The following EPHA3 variants were observed in gnomAD, a reference collection of about 807,000 sequenced individuals.
EPHA3 encodes the protein ephrin type-A receptor 3.
Under a neutral mutation model 107.1 loss-of-function variants are expected in EPHA3, and 42 were observed. The observed-to-expected ratio is 0.39, with a 90% CI of 0.31 to 0.51. The LOEUF (loss-of-function observed/expected upper bound fraction) is 0.51, where lower values mean the gene tolerates loss of function less well. Among genes scored for constraint, EPHA3 ranks in the 20% least tolerant of loss-of-function variants. The pLI, the probability that EPHA3 is intolerant of heterozygous loss-of-function variation, is 0.78. For missense variants in EPHA3, 1,183 were observed against 1,211.2 expected (o/e 0.98, Z 0.35); for synonymous variants, 461 against 424.8 (o/e 1.09, Z -1.05).
At chr3:89,424,294 TC>T (rs2107530532) in intron 11 of EPHA3, among the ~76,000 whole-genome samples, 1 of 151,516 alleles carries the variant, frequency 6.6e-6, no homozygotes, top group East Asian at 1.9e-4. Context: ...GAAAGTTCTA[TC>T]TTAATAAATG....
intron 5 of EPHA3, among the ~76,000 whole-genome samples, chr3:89,386,773 C>T (rs111862246): frequency 1.3e-5 from 2 of 152,296 alleles, no homozygotes; most frequent in African/African-American, 4.8e-5. Context: ...GAGTGCTGTA[C>T]CCTGGAAAAC....
At chr3:89,471,457 C>T (rs1389309365) in intron 15 of EPHA3, among the ~76,000 whole-genome samples, 2 of 152,176 alleles carry the variant, frequency 1.3e-5, no homozygotes, top group East Asian at 3.9e-4. Context: ...CAACCTTCGC[C>T]TCCCAGGTTC....
At chr3:89,357,980 A>G (rs1373502902) in intron 5 of EPHA3, among the ~76,000 whole-genome samples, 1 of 151,080 alleles carries the variant, frequency 6.6e-6, no homozygotes, top group African/African-American at 2.4e-5. Context: ...AATGGCTAGA[A>G]GAAGAACTAG....
intron 3 of EPHA3, among the ~76,000 whole-genome samples, chr3:89,324,679 T>C (rs183514552): frequency 6.6e-6 from 1 of 152,094 alleles, no homozygotes; most frequent in Non-Finnish European, 1.5e-5. Context: ...ATTACCAACT[T>C]TTAGATGTCA....
chr3:89,234,353 C>G (rs1265829139), intron 3 of EPHA3, among the ~76,000 whole-genome samples: 1 of 152,066 alleles, frequency 6.6e-6, no homozygotes, highest in Non-Finnish European at 1.5e-5. Context: ...GTATTTTAAT[C>G]AATAAAATCT....
At chr3:89,224,394 C>T (rs929044772) in intron 3 of EPHA3, among the ~76,000 whole-genome samples, 2 of 152,192 alleles carry the variant, frequency 1.3e-5, no homozygotes, top group South Asian at 2.1e-4. Context: ...TTAGGTAACA[C>T]CAAATTTGCC....
At chr3:89,194,571 A>C (rs2107146986) in intron 2 of EPHA3, among the ~76,000 whole-genome samples, 1 of 152,242 alleles carries the variant, frequency 6.6e-6, no homozygotes, top group East Asian at 1.9e-4. Flanking sequence ...TTTCTATTCA[A>C]TAATAAAATT....
At chr3:89,225,648 G>A (rs925670822) in intron 3 of EPHA3, among the ~76,000 whole-genome samples, 5 of 152,144 alleles carry the variant, frequency 3.3e-5, no homozygotes, top group African/African-American at 1.2e-4. Context: ...TATGCCATAA[G>A]TTCATAGTGA....
At chr3:89,124,019 T>G (rs1221094234) in intron 1 of EPHA3, among the ~76,000 whole-genome samples, 1 of 152,174 alleles carries the variant, frequency 6.6e-6, no homozygotes, top group Non-Finnish European at 1.5e-5. Context: ...TTAAGAAAGT[T>G]TTCTTTTTGT....
In EPHA3 at chr3:89,408,128, C is replaced by A. The variant is rs2107517303; in HGVS notation, c.1759C>A (p.His587Asn). 6.2e-7 allele frequency: 1 copy of A among 1,612,514 alleles called. No individual in the cohort carries two copies. Among genetic ancestry groups the A allele is most frequent in the Non-Finnish European group, 8.5e-7 (1 of 1,178,856 alleles). The part of the protein sequence containing the change: ...DEKRLHFGNG[H>N]LKLPGLRTYV... The stretch of plus-strand genomic sequence containing the variant: ...AAAAAGACTTCATTTTGGCAATGGG[C>A]ATTGTAAGTTTCTAAACTTGGCTTT... Residue 587 changes from histidine (H) to asparagine (N), a missense_variant, in exon 9 of 17, where the codon CAT (histidine) becomes AAT (asparagine). His to Asn is a moderately conservative substitution (Grantham distance 68). Coordinates refer to ENST00000336596, the MANE Select transcript of EPHA3 (RefSeq NM_005233.6).
At chr3:89,399,860 C>T in intron 7 of EPHA3, 4 of 1,078,084 alleles carry the variant, frequency 3.7e-6, no homozygotes, top group Non-Finnish European at 3.4e-6. Flanking sequence ...ACTTGCTGAT[C>T]CATGAGAATC....
chr3:89,179,062 T>C (rs969947540), intron 2 of EPHA3, among the ~76,000 whole-genome samples: 8 of 152,012 alleles, frequency 5.3e-5, no homozygotes, highest in Non-Finnish European at 1.0e-4. Context: ...CATTTTTCTT[T>C]TTTTACTTGA....
At chr3:89,252,846 AT>A (rs1705195902) in intron 3 of EPHA3, among the ~76,000 whole-genome samples, 1 of 149,406 alleles carries the variant, frequency 6.7e-6, no homozygotes, top group Non-Finnish European at 1.5e-5. Flanking sequence ...TATATATATA[AT>A]TTTTATATAC....
At chr3:89,110,631 G>A (rs1368811132) in intron 1 of EPHA3, among the ~76,000 whole-genome samples, 3 of 151,872 alleles carry the variant, frequency 2.0e-5, no homozygotes, top group African/African-American at 7.2e-5. Flanking sequence ...TTCTTATCAG[G>A]TCTCTCTGTT....
intron 15 of EPHA3, among the ~76,000 whole-genome samples, chr3:89,460,899 A>C (rs1232283821): frequency 7.8e-6 from 1 of 127,560 alleles, no homozygotes; most frequent in East Asian, 2.2e-4. Flanking sequence ...ATATGTATAC[A>C]TGTGCCATGC....
At chr3:89,407,155 C>A in intron 7 of EPHA3, 114 bp from the exon 8 acceptor site, 1 of 681,560 alleles carries the variant, frequency 1.5e-6, no homozygotes, top group Non-Finnish European at 2.5e-6. Flanking sequence ...TTAAGCCATA[C>A]TTCAGGTAAA....
chr3:89,243,848 A>G (rs949745015), intron 3 of EPHA3, among the ~76,000 whole-genome samples: 3 of 152,136 alleles, frequency 2.0e-5, no homozygotes, highest in African/African-American at 7.2e-5. Context: ...TTGGTGAGAC[A>G]TTATGTAAAC....
At chr3:89,413,467 T>C in intron 10 of EPHA3, among the ~76,000 whole-genome samples, 1 of 151,758 alleles carries the variant, frequency 6.6e-6, no homozygotes, top group Non-Finnish European at 1.5e-5. Context: ...CATGGCTGCT[T>C]TTGATTTATT....
intron 5 of EPHA3, among the ~76,000 whole-genome samples, chr3:89,350,492 A>T (rs1707783947): frequency 6.6e-6 from 1 of 150,716 alleles, no homozygotes; most frequent in Non-Finnish European, 1.5e-5. Flanking sequence ...ACTTCTCTGT[A>T]TTGGTTATTC....
Sources: gnomAD v4.1 joint callset for allele counts (sites outside exome capture counted in the v4.1 genomes callset) on GRCh38, gnomAD v4.1.1 for gene constraint, MANE v1.5 for transcripts, NCBI Gene and HGNC (gene_info 2026-07-23, HGNC 2026-07-21) for gene names.